ABCC1: variants seen among roughly 807,000 people sequenced by gnomAD.
ABCC1 encodes the protein multidrug resistance-associated protein 1.
In ABCC1, 83 loss-of-function variants were observed where a neutral mutation model predicts 172.9. The ratio of observed to expected loss-of-function variants is 0.48; its 90% CI spans 0.40 to 0.58. The LOEUF (loss-of-function observed/expected upper bound fraction) is 0.58. Ranked by LOEUF, ABCC1 falls within the 20% of genes least tolerant of loss-of-function variation. The pLI is 0.00. For missense variants in ABCC1, 1,817 were observed against 2,002.7 expected, an observed-to-expected ratio of 0.91 and a Z score of 1.77; for synonymous variants, 937 against 825.2, an observed-to-expected ratio of 1.14 and a Z score of -2.32.
chr16:16,119,292 T>TTAGC (rs1231246090), intron 23 of ABCC1, among the ~76,000 whole-genome samples: 3 of 151,966 alleles, frequency 2.0e-5, no homozygotes, highest in Non-Finnish European at 4.4e-5. Context: ...AATACAAAAA[T>TTAGC]TAGCTGGGTG....
chr16:16,070,507 AT>A (rs1433476387), intron 13 of ABCC1, among the ~76,000 whole-genome samples: 4 of 152,050 alleles, frequency 2.6e-5, no homozygotes, highest in Non-Finnish European at 5.9e-5. Context: ...TGCTAAAAAT[AT>A]AAAAAAATTA....
At chr16:16,121,553 G>A (rs2045158851) in intron 23 of ABCC1, among the ~76,000 whole-genome samples, 1 of 152,206 alleles carries the variant, frequency 6.6e-6, no homozygotes, top group African/African-American at 2.4e-5. Flanking sequence ...GTAGAGGTTA[G>A]CACTTTGCAG....
At chr16:16,016,258 A>T (rs1210868867) in intron 4 of ABCC1, among the ~76,000 whole-genome samples, 11 of 138,404 alleles carry the variant, frequency 7.9e-5, no homozygotes, top group African/African-American at 2.7e-4. Flanking sequence ...GGTTCAAGTG[A>T]TTCTCCTGTC....
Position 16,106,509 on chromosome 16 carries a change from G to T in ABCC1, c.2736-229G>T, listed in dbSNP as rs187505080. On this transcript the variant is annotated intron_variant, in intron 20 of 30. Transcript: ENST00000399410. The stretch of plus-strand genomic sequence containing the variant: ...ATCATCACAGATTGCGTTTCCCATG[G>T]GTCTCATTCCTGCCTGAGACACTGC... 2,160 of 466,402 alleles carry T rather than the reference G, an allele frequency of 4.6e-3. 23 individuals carry two copies. The highest frequency in any genetic ancestry group is 4.4e-3 in the Non-Finnish European group (1,157 of 264,632). The allele number at this position is 466,402 out of a possible 1,614,324, so 28.9% of individuals were successfully genotyped here.
At chr16:16,045,194 GA>G (rs1234735944) in intron 8 of ABCC1, among the ~76,000 whole-genome samples, 1 of 151,806 alleles carries the variant, frequency 6.6e-6, no homozygotes, top group African/African-American at 2.4e-5. Flanking sequence ...CTGAGGTCAG[GA>G]GGTCAAGACC....
rs374735591 is a variant in ABCC1, at chr16:16,006,358, C to T, written c.49-1458C>T. 4.6e-5 allele frequency among the ~76,000 whole-genome samples: 7 copies of T among 151,466 alleles called. No homozygotes were observed. The East Asian group carries it at 1.2e-3, about 25-fold the overall frequency. On this transcript the variant is annotated intron_variant, in intron 1 of 30. Coordinates refer to ENST00000399410, the MANE Select transcript of ABCC1 (RefSeq NM_004996.4). ...TGCTTGAGCCCAAAAGTTCAAGGCA[C>T]AGGAAGCTGTGATCTTACCACCACA...
chr16:16,104,141 T>C (rs1019419609), intron 20 of ABCC1, among the ~76,000 whole-genome samples: 1 of 151,448 alleles, frequency 6.6e-6, no homozygotes, highest in African/African-American at 2.4e-5. Context: ...ACAAAGGCAA[T>C]GTGGACCCAA....
At chr16:16,068,682 G>A (rs1345946776) in intron 13 of ABCC1, among the ~76,000 whole-genome samples, 1 of 151,978 alleles carries the variant, frequency 6.6e-6, no homozygotes, top group Non-Finnish European at 1.5e-5. Flanking sequence ...GACCACCCAC[G>A]CTTTGAGAAA....
intron 1 of ABCC1, among the ~76,000 whole-genome samples, chr16:15,978,625 G>C (rs1197777367): frequency 6.6e-6 from 1 of 152,102 alleles, no homozygotes; most frequent in African/African-American, 2.4e-5. Flanking sequence ...TCTGGTTCAA[G>C]TCCTGATACA....
intron 5 of ABCC1, among the ~76,000 whole-genome samples, chr16:16,022,108 C>T (rs1265509752): frequency 6.6e-6 from 1 of 152,214 alleles, no homozygotes; most frequent in Non-Finnish European, 1.5e-5. Context: ...CACCTGTCGC[C>T]TGTCCTCAGA....
intron 14 of ABCC1, among the ~76,000 whole-genome samples, chr16:16,073,849 A>C (rs1307624909): frequency 8.5e-5 from 13 of 152,240 alleles, no homozygotes; most frequent in Non-Finnish European, 8.8e-5. Context: ...AAACCCATAC[A>C]GTCTGGCTCC....
chr16:16,045,900 C>T lies in ABCC1; in HGVS notation c.1105C>T (p.Leu369=). Residue 369 remains leucine (L), a synonymous_variant, in exon 9 of 31, where the codon CTG becomes TTG. Coordinates refer to ENST00000399410, the MANE Select transcript of ABCC1 (RefSeq NM_004996.4). The part of the protein sequence containing the change: ...PDWQGYFYTV[L]LFVTACLQTL... ...CTGGCAGGGCTACTTCTACACCGTG[C>T]TGCTGTTTGTCACTGCCTGCCTGCA... 1 of 1,614,220 alleles carries T rather than the reference C, an allele frequency of 6.2e-7. No individual in the cohort carries two copies. The highest frequency in any genetic ancestry group is 8.5e-7 in the Non-Finnish European group (1 of 1,180,040).
chr16:15,951,124 C>T (rs2045861492), intron 1 of ABCC1, among the ~76,000 whole-genome samples: 1 of 152,136 alleles, frequency 6.6e-6, no homozygotes, highest in African/African-American at 2.4e-5. Flanking sequence ...CTGTGGCTTC[C>T]TTGTTGCCAG....
chr16:16,134,250 T>C, intron 27 of ABCC1, 100 bp from the exon 28 acceptor site: 2 of 1,474,026 alleles, frequency 1.4e-6, no homozygotes, highest in African/African-American at 1.4e-5. Context: ...GTTGACCAGA[T>C]GACTGATGCC....
intron 13 of ABCC1, among the ~76,000 whole-genome samples, chr16:16,070,181 A>G (rs1262824975): frequency 1.3e-5 from 2 of 151,730 alleles, no homozygotes; most frequent in Non-Finnish European, 2.9e-5. Flanking sequence ...CAGGAGTTCA[A>G]AATCAGCCTG....
At chr16:15,970,572 A>G (rs2046344412) in intron 1 of ABCC1, among the ~76,000 whole-genome samples, 2 of 151,878 alleles carry the variant, frequency 1.3e-5, no homozygotes, top group Admixed American at 6.6e-5. Flanking sequence ...CACTGGCTTA[A>G]TGAGGAAGGC....
intron 1 of ABCC1, among the ~76,000 whole-genome samples, chr16:15,964,561 A>G (rs1004748512): frequency 6.6e-6 from 1 of 152,336 alleles, no homozygotes; most frequent in Admixed American, 6.5e-5. Flanking sequence ...GGGCTAACCA[A>G]TAACCAATGT....
Position 16,111,509 on chromosome 16 carries a change from C to T in ABCC1, c.3006C>T (p.Asp1002=). The change falls in exon 22 of 31, where the codon GAC becomes GAT. Residue 1002 remains aspartate (D), a synonymous_variant. Coordinates refer to ENST00000399410, the MANE Select transcript of ABCC1 (RefSeq NM_004996.4). ...ATTGGCTCAGCCTCTGGACTGATGA[C>T]CCCATCGTCAACGGGACTCAGGAGC... ...SNYWLSLWTD[D]PIVNGTQEHT... is the part of the protein sequence containing the mutation. The T allele has an allele frequency of 1.2e-6, 2 of 1,614,168 alleles. No homozygotes were observed. The highest frequency in any genetic ancestry group is 1.7e-6 in the Non-Finnish European group (2 of 1,180,026).
chr16:16,099,059 C>T (rs1596495731), intron 19 of ABCC1, among the ~76,000 whole-genome samples: 1 of 152,202 alleles, frequency 6.6e-6, no homozygotes, highest in African/African-American at 2.4e-5. Context: ...TACTGGGTAC[C>T]TACTGTGTGT....
Sources: gnomAD v4.1 joint callset for allele counts (sites outside exome capture counted in the v4.1 genomes callset) on GRCh38, gnomAD v4.1.1 for gene constraint, MANE v1.5 for transcripts, NCBI Gene and HGNC (gene_info 2026-07-23, HGNC 2026-07-21) for gene names.